Variants in TMEM11 observed in about 807,000 individuals in gnomAD.
The protein encoded by TMEM11 is transmembrane protein 11.
A neutral mutation model predicts 17.0 loss-of-function variants in TMEM11; 1 was observed. The ratio of observed to expected loss-of-function variants is 0.06; its 90% confidence interval spans 0.02 to 0.28. The LOEUF is 0.28. Among genes scored for constraint, TMEM11 ranks in the 10% least tolerant of loss-of-function variants. The pLI is 1.00. For synonymous variants in TMEM11, 122 were observed against 118.1 expected, an observed-to-expected ratio of 1.03 and a Z score of -0.21; for missense variants, 172 against 252.9, an observed-to-expected ratio of 0.68 and a Z score of 2.17.
At chr17:21,199,985 C>T (rs1013922696) in intron 1 of TMEM11, among the ~76,000 whole-genome samples, 2 of 152,326 alleles carry the variant, frequency 1.3e-5, no homozygotes, top group East Asian at 1.9e-4. Flanking sequence ...CCTGCACCAC[C>T]GGCAAATGCC....
At chr17:21,201,696 A>G (rs1974884700) in intron 1 of TMEM11, among the ~76,000 whole-genome samples, 1 of 151,952 alleles carries the variant, frequency 6.6e-6, no homozygotes, top group Non-Finnish European at 1.5e-5. Flanking sequence ...ATCTCTGCTG[A>G]TGGCAGCCTC....
intron 1 of TMEM11, among the ~76,000 whole-genome samples, chr17:21,208,190 C>A (rs934354251): frequency 5.9e-5 from 9 of 151,896 alleles, no homozygotes; most frequent in African/African-American, 2.2e-4. Context: ...GACGGGGTTT[C>A]ACTGTGTTAG....
intron 1 of TMEM11, among the ~76,000 whole-genome samples, chr17:21,204,435 TAAAAAAAAAAA>T (rs71160127): frequency 1.0e-5 from 1 of 96,842 alleles, no homozygotes; most frequent in Non-Finnish European, 2.1e-5. Context: ...TCCGTCTCAA[TAAAAAAAAAAA>T]AAAAAAAAAA....
chr17:21,210,411 G>A (rs1273843262), intron 1 of TMEM11, among the ~76,000 whole-genome samples: 4 of 152,220 alleles, frequency 2.6e-5, no homozygotes, highest in African/African-American at 2.4e-5. Context: ...TGCAGATCCC[G>A]TATCTGCTCA....
At chr17:21,208,046 G>A (rs1350574962) in intron 1 of TMEM11, among the ~76,000 whole-genome samples, 2 of 148,636 alleles carry the variant, frequency 1.3e-5, no homozygotes, top group East Asian at 2.0e-4. Context: ...AGGCTCAAGT[G>A]CAGTGGCGTG....
In TMEM11 at chr17:21,211,085, G is replaced by T. The variant is rs763076210; in HGVS notation, c.62+3006C>A. ...CAGATACCTGCACTGTGCTTTCCTAGATGGGCAAGTGTGTCTCAAAGACGC... is the reference window on the plus strand; with the variant it reads ...CAGATACCTGCACTGTGCTTTCCTATATGGGCAAGTGTGTCTCAAAGACGC... On this transcript the variant is annotated intron_variant, in intron 1 of 1. Transcript: ENST00000317635. The T allele has an allele frequency of 9.3e-6, 12 of 1,289,850 alleles. No homozygotes were observed. The Middle Eastern group carries it at 1.1e-3, about 114-fold the overall frequency. The allele number at this position is 1,289,850 out of a possible 1,614,324, so 79.9% of individuals were successfully genotyped here. A position where few individuals can be genotyped will look rare whatever the true frequency, so the allele number is the denominator to read the frequency against.
Position 21,199,469 on chromosome 17 carries a change from C to T in TMEM11, c.63-629G>A, listed in dbSNP as rs190357813. 9.0e-4 allele frequency among the ~76,000 whole-genome samples: 137 copies of T among 152,124 alleles called. 1 individual carries two copies. Among genetic ancestry groups the T allele is most frequent in the Non-Finnish European group, 1.6e-3 (112 of 68,000 alleles). Reference sequence around the variant, plus strand: ...GCAAAGGAGCCTAAAGGGGAAAGAACGATTCGGCACAGAATCACAGGAGCA... The same window carrying T: ...GCAAAGGAGCCTAAAGGGGAAAGAATGATTCGGCACAGAATCACAGGAGCA... On this transcript the variant is annotated intron_variant, in intron 1 of 1. Transcript: ENST00000317635.
chr17:21,198,182 G>A lies in TMEM11; in HGVS notation c.*142C>T, dbSNP rs535122321. ...GAGCTGAAAAACCCTGGGTACACCC[G>A]TGATCTGTTATTTTTTAAAAATAAC... On this transcript the variant is annotated 3_prime_UTR_variant, in exon 2 of 2. Coordinates refer to ENST00000317635, the MANE Select transcript of TMEM11 (RefSeq NM_003876.3). The surrounding 1 kb of genome is among the most constrained non-coding windows in gnomAD (Gnocchi z 6.5). 1.8e-5 allele frequency: 20 copies of A among 1,107,206 alleles called. No individual in the cohort carries two copies. Among genetic ancestry groups the A allele is most frequent in the African/African-American group, 4.7e-5 (3 of 63,544 alleles). The allele number at this position is 1,107,206 out of a possible 1,614,324, so 68.6% of individuals were successfully genotyped here.
rs372380090 is a variant in TMEM11 at position 21,203,425 on chromosome 17, T to C, written c.63-4585A>G. Among the ~76,000 whole-genome samples, 37 of 152,322 alleles carry C rather than the reference T, an allele frequency of 2.4e-4. No individual in the cohort carries two copies. In the East Asian group the frequency reaches 7.0e-3, roughly 29 times the overall value. ...GCTGCACTTCTCTTACTTCAGAAAT[T>C]CGTGGCCATGACCAGGTGCGGTGGC... On this transcript the variant is annotated intron_variant, in intron 1 of 1. Coordinates refer to ENST00000317635, the MANE Select transcript of TMEM11 (RefSeq NM_003876.3).
intron 1 of TMEM11, among the ~76,000 whole-genome samples, chr17:21,209,279 C>T (rs1363018012): frequency 6.6e-6 from 1 of 152,218 alleles, no homozygotes; most frequent in Non-Finnish European, 1.5e-5. Context: ...TCTCGGCTGC[C>T]TACTGGCTTT....
At chr17:21,200,127 G>A (rs1052979198) in intron 1 of TMEM11, among the ~76,000 whole-genome samples, 9 of 152,370 alleles carry the variant, frequency 5.9e-5, no homozygotes, top group Middle Eastern at 3.4e-3. Flanking sequence ...TCTGCAGCAA[G>A]GCCAGACGGC....
chr17:21,199,778 C>T (rs1471708232), intron 1 of TMEM11, among the ~76,000 whole-genome samples: 2 of 152,170 alleles, frequency 1.3e-5, no homozygotes, highest in African/African-American at 2.4e-5. Flanking sequence ...AGCTCCTCCC[C>T]GCTGCGGAGG....
At chr17:21,202,940 T>C (rs1319890827) in intron 1 of TMEM11, among the ~76,000 whole-genome samples, 1 of 152,244 alleles carries the variant, frequency 6.6e-6, no homozygotes, top group Non-Finnish European at 1.5e-5. Context: ...CCTCGGCGTC[T>C]TCATATGGGC....
At chr17:21,212,738 G>C (rs564539991) in intron 1 of TMEM11, among the ~76,000 whole-genome samples, 3 of 152,198 alleles carry the variant, frequency 2.0e-5, no homozygotes, top group African/African-American at 7.2e-5. Flanking sequence ...CAACAAGAGG[G>C]CGTATGTTTC....
chr17:21,199,429 A>G (rs1974858604), intron 1 of TMEM11, among the ~76,000 whole-genome samples: 1 of 151,880 alleles, frequency 6.6e-6, no homozygotes, highest in African/African-American at 2.4e-5. Flanking sequence ...GCTGTGGACC[A>G]ACTGATCTGA....
intron 1 of TMEM11, chr17:21,211,040 T>A: frequency 7.8e-7 from 1 of 1,289,822 alleles, no homozygotes; most frequent in Non-Finnish European, 1.0e-6. Flanking sequence ...TGGTCCGGGC[T>A]GGCACACGGT....
chr17:21,205,016 C>A (rs933199050), intron 1 of TMEM11, among the ~76,000 whole-genome samples: 5 of 152,128 alleles, frequency 3.3e-5, no homozygotes, highest in Admixed American at 6.6e-5. Context: ...CCAGAGTCAG[C>A]CTTCAGGCCC....
At chr17:21,212,006 C>G (rs1019980968) in intron 1 of TMEM11, among the ~76,000 whole-genome samples, 1 of 152,164 alleles carries the variant, frequency 6.6e-6, no homozygotes, top group African/African-American at 2.4e-5. Flanking sequence ...ACCAACTGAG[C>G]AGGAATGGAG....
chr17:21,210,083 C>G (rs950087852), intron 1 of TMEM11, among the ~76,000 whole-genome samples: 7 of 152,182 alleles, frequency 4.6e-5, no homozygotes, highest in Admixed American at 6.5e-5. Context: ...ACCGACAAGC[C>G]GGGGCAGAGG....
Sources: gnomAD v4.1 joint callset for allele counts (sites outside exome capture counted in the v4.1 genomes callset) on GRCh38, gnomAD v4.1.1 for gene constraint, Gnocchi (gnomAD v3.1) non-coding constraint, MANE v1.5 for transcripts, NCBI Gene and HGNC (gene_info 2026-07-23, HGNC 2026-07-21) for gene names.